The following NFIB variants were observed in gnomAD, a reference collection of about 807,000 sequenced individuals.
NFIB encodes nuclear factor I B, also known as nuclear factor 1 B-type.
In NFIB, 11 loss-of-function variants were observed where a neutral mutation model predicts 61.5. The observed-to-expected ratio is 0.18, with a 90% CI of 0.11 to 0.30. NFIB has a LOEUF of 0.30. Ranked by LOEUF, NFIB falls within the 10% of genes least tolerant of loss-of-function variation. NFIB has a pLI of 1.00. For synonymous variants in NFIB, 260 were observed against 216.5 expected (o/e 1.20, Z -1.76); for missense variants, 471 against 608.9 (o/e 0.77, Z 2.38).
intron 1 of NFIB, among the ~76,000 whole-genome samples, chr9:14,320,088 T>G (rs761436994): frequency 1.3e-5 from 2 of 152,204 alleles, no homozygotes; most frequent in Non-Finnish European, 2.9e-5. Context: ...TCACTCAAAA[T>G]TATGCTGCTG....
chr9:14,515,070 T>TA, the NFIB span, among the ~76,000 whole-genome samples: 2 of 152,158 alleles, frequency 1.3e-5, no homozygotes, highest in African/African-American at 4.8e-5. Flanking sequence ...CTGGGACAGA[T>TA]ACACTTTATT....
intron 7 of NFIB, among the ~76,000 whole-genome samples, chr9:14,124,160 G>A (rs142445449): frequency 6.6e-6 from 1 of 152,066 alleles, no homozygotes; most frequent in Non-Finnish European, 1.5e-5. Context: ...AAGGTGGAGG[G>A]CTCATCTAGG....
chr9:14,510,568 C>G, the NFIB span, among the ~76,000 whole-genome samples: 1 of 152,158 alleles, frequency 6.6e-6, no homozygotes, highest in Admixed American at 6.5e-5. Context: ...GTGGAAAATG[C>G]ATATAGATTT....
intron 2 of NFIB, among the ~76,000 whole-genome samples, chr9:14,237,591 C>A (rs2053871517): frequency 6.6e-6 from 1 of 152,158 alleles, no homozygotes; most frequent in Non-Finnish European, 1.5e-5. Context: ...CCAAGGTATG[C>A]AAAATCTCGT....
intron 1 of NFIB, among the ~76,000 whole-genome samples, chr9:14,359,696 G>A (rs1010592674): frequency 6.6e-6 from 1 of 152,100 alleles, no homozygotes; most frequent in Non-Finnish European, 1.5e-5. Flanking sequence ...TGAGGGATGG[G>A]CATGTGATAC....
At chr9:14,515,718 G>A in the NFIB span, among the ~76,000 whole-genome samples, 1 of 152,246 alleles carries the variant, frequency 6.6e-6, no homozygotes, top group East Asian at 1.9e-4. Context: ...GCATATCCTC[G>A]GGGCCATGCG....
At chr9:14,352,205 A>T (rs997800535) in intron 1 of NFIB, among the ~76,000 whole-genome samples, 1 of 152,182 alleles carries the variant, frequency 6.6e-6, no homozygotes, top group Admixed American at 6.5e-5. Context: ...AACAGCATAA[A>T]ATGAAAGTAA....
At chr9:14,183,689 G>A (rs1278038599) in intron 2 of NFIB, among the ~76,000 whole-genome samples, 7 of 152,034 alleles carry the variant, frequency 4.6e-5, no homozygotes, top group Admixed American at 4.6e-4. Flanking sequence ...ACAGGTGTGA[G>A]CCACCACACC....
intron 10 of NFIB, among the ~76,000 whole-genome samples, chr9:14,094,028 C>T (rs1320914899): frequency 2.6e-5 from 4 of 152,038 alleles, no homozygotes; most frequent in African/African-American, 9.7e-5. Flanking sequence ...TGAGAAAGAC[C>T]ATTATTATCC....
At chr9:14,360,701 C>A (rs1049201443) in intron 1 of NFIB, among the ~76,000 whole-genome samples, 3 of 152,000 alleles carry the variant, frequency 2.0e-5, no homozygotes, top group Non-Finnish European at 4.4e-5. Context: ...CCCGCCAATA[C>A]GCCCGGCTAA....
the NFIB span, among the ~76,000 whole-genome samples, chr9:14,513,581 T>C: frequency 6.6e-6 from 1 of 150,638 alleles, no homozygotes; most frequent in Non-Finnish European, 1.5e-5. Context: ...TGAGCCGAAA[T>C]TGTGCCATTG....
intron 1 of NFIB, among the ~76,000 whole-genome samples, chr9:14,354,328 A>G (rs1438163572): frequency 6.6e-6 from 1 of 152,212 alleles, no homozygotes; most frequent in Non-Finnish European, 1.5e-5. Flanking sequence ...TGCAGAGTGA[A>G]CAGGGCTTCA....
Position 14,125,566 on chromosome 9 carries a change from G to A in NFIB, c.1060+66C>T, listed in dbSNP as rs558596660. ...AGCTCTATTTATAAACTTTTGCTCC[G>A]TCCCTAAGGGGGTTAGGCCCTACAG... is the stretch of plus-strand genomic sequence containing the variant. On this transcript the variant is annotated intron_variant, in intron 7 of 10. Transcript: ENST00000380953. The A allele has an allele frequency of 1.3e-4, 204 of 1,586,112 alleles. No individual in the cohort carries two copies. In the East Asian group the frequency reaches 2.8e-3, roughly 22 times the overall value.
At chr9:14,527,242 C>T in the NFIB span, among the ~76,000 whole-genome samples, 8 of 152,178 alleles carry the variant, frequency 5.3e-5, no homozygotes, top group African/African-American at 9.6e-5. Context: ...ATATTAAAAA[C>T]GAATTACTAT....
At position 14,167,238 on chromosome 9, in the gene NFIB, G is replaced by A. The variant is rs886205343; in HGVS notation, c.617-11345C>T. ...TCCTTGAGTGTGGTACTGATTTCAT[G>A]AGTATATGCATACGTCAGAACTGGC... On this transcript the variant is annotated intron_variant, in intron 3 of 10. Transcript: ENST00000380953. Among the ~76,000 whole-genome samples, 4 of 152,102 alleles carry A rather than the reference G, an allele frequency of 2.6e-5. No individual in the cohort carries two copies. In the South Asian group the frequency reaches 6.2e-4, roughly 24 times the overall value.
intron 2 of NFIB, among the ~76,000 whole-genome samples, chr9:14,221,926 A>C (rs556406371): frequency 3.3e-5 from 5 of 152,356 alleles, no homozygotes; most frequent in African/African-American, 1.2e-4. Context: ...TGAGGGTGTT[A>C]GAAAAAGGCT....
In NFIB at chr9:14,086,288, C is replaced by T. The variant is rs947162253; in HGVS notation, c.*2021G>A. 9.1e-6 allele frequency: 2 copies of T among 219,980 alleles called. No homozygotes were observed. Among genetic ancestry groups the T allele is most frequent in the Non-Finnish European group, 1.8e-5 (2 of 109,504 alleles). The allele number at this position is 219,980 out of a possible 1,614,324, so 13.6% of individuals were successfully genotyped here. ...ATATTAAAAAAAATCCCCTGTCCAT[C>T]TCTCAGTACACAAAAGGACCTCATC... On this transcript the variant is annotated 3_prime_UTR_variant, in exon 11 of 11. Coordinates refer to ENST00000380953, the MANE Select transcript of NFIB (RefSeq NM_001190737.2).
intron 1 of NFIB, among the ~76,000 whole-genome samples, chr9:14,356,646 C>A (rs1266900486): frequency 6.6e-6 from 1 of 151,980 alleles, no homozygotes; most frequent in African/African-American, 2.4e-5. Context: ...CTCTTGCACT[C>A]CACCAGTTTC....
At chr9:14,393,825 T>C (rs1008988122) in intron 1 of NFIB, among the ~76,000 whole-genome samples, 3 of 152,248 alleles carry the variant, frequency 2.0e-5, no homozygotes, top group African/African-American at 7.2e-5. Flanking sequence ...TTTGTTTTTG[T>C]ATAATTATAA....
Sources: gnomAD v4.1 joint callset for allele counts (sites outside exome capture counted in the v4.1 genomes callset) on GRCh38, gnomAD v4.1.1 for gene constraint, MANE v1.5 for transcripts, NCBI Gene and HGNC (gene_info 2026-07-23, HGNC 2026-07-21) for gene names.